AKAP13: variants seen among roughly 807,000 people sequenced by gnomAD.
The protein encoded by AKAP13 is A-kinase anchoring protein 13.
A neutral mutation model predicts 264.5 loss-of-function variants in AKAP13; 80 were observed. The ratio of observed to expected loss-of-function variants is 0.30; its 90% CI spans 0.25 to 0.36. AKAP13 has a LOEUF of 0.36. AKAP13 is among the 10% of genes least tolerant of loss of function. The pLI is 1.00. For synonymous variants in AKAP13, 1,380 were observed against 1,250.2 expected (o/e 1.10, Z -2.19); for missense variants, 3,712 against 3,435.2 (o/e 1.08, Z -2.01).
chr15:85,687,627 AAGTGTTTAG>A (rs894519028), intron 16 of AKAP13, among the ~76,000 whole-genome samples: 15 of 152,160 alleles, frequency 9.9e-5, no homozygotes, highest in African/African-American at 3.4e-4. Flanking sequence ...TCCCATTACC[AAGTGTTTAG>A]AGTGCCCTAG....
intron 16 of AKAP13, among the ~76,000 whole-genome samples, chr15:85,689,155 A>C (rs2085117109): frequency 6.6e-6 from 1 of 152,222 alleles, no homozygotes; most frequent in South Asian, 2.1e-4. Context: ...TTGAGTGCAC[A>C]GGTTAAATTC....
Position 85,748,623 on chromosome 15 carries a change from G to C in AKAP13, c.*3946G>C, listed in dbSNP as rs138539432. 5 of 152,324 alleles carry C rather than the reference G, an allele frequency of 3.3e-5. No individual in the cohort carries two copies. The highest frequency in any genetic ancestry group is 1.2e-4 in the African/African-American group (5 of 41,562). 9.4% of individuals were successfully genotyped at this position (152,324 alleles called of 1,614,324 possible). ...TGCTGGCCAGGCTTTAAAATGAAAAGTGTTTTAATGCTGCCATAAAAGGGA... is the reference window on the plus strand; with the variant it reads ...TGCTGGCCAGGCTTTAAAATGAAAACTGTTTTAATGCTGCCATAAAAGGGA... On this transcript the variant is annotated 3_prime_UTR_variant, in exon 37 of 37. Coordinates refer to ENST00000394518, the MANE Select transcript of AKAP13 (RefSeq NM_007200.5).
chr15:85,568,046 A>G (rs565240465), intron 5 of AKAP13, among the ~76,000 whole-genome samples: 12 of 151,806 alleles, frequency 7.9e-5, no homozygotes, highest in Admixed American at 7.9e-4. Flanking sequence ...ACTTTGGGAG[A>G]CTGAGGCAGG....
chr15:85,553,001 G>T (rs575099677), intron 5 of AKAP13, among the ~76,000 whole-genome samples: 17 of 148,740 alleles, frequency 1.1e-4, no homozygotes, highest in African/African-American at 4.2e-4. Context: ...TTAAAAAATT[G>T]TTTTATTTAA....
At chr15:85,485,084 A>C (rs769467279) in intron 1 of AKAP13, among the ~76,000 whole-genome samples, 2 of 152,212 alleles carry the variant, frequency 1.3e-5, no homozygotes, top group Non-Finnish European at 2.9e-5. Context: ...AGAACATGCT[A>C]TTCTTAATGT....
chr15:85,642,625 C>T (rs1032629698), intron 9 of AKAP13, among the ~76,000 whole-genome samples: 2 of 152,060 alleles, frequency 1.3e-5, no homozygotes, highest in African/African-American at 4.8e-5. Context: ...TGTACTTTTC[C>T]CTCTTTCCCT....
At chr15:85,702,445 G>C (rs2085985361) in intron 17 of AKAP13, 1 of 152,184 alleles carries the variant, frequency 6.6e-6, no homozygotes. Flanking sequence ...TGGGGACGCA[G>C]AATCTTTCGT....
intron 1 of AKAP13, among the ~76,000 whole-genome samples, chr15:85,397,716 A>G (rs1215487440): frequency 6.6e-6 from 1 of 152,220 alleles, no homozygotes; most frequent in Non-Finnish European, 1.5e-5. Context: ...CTAATTTTAT[A>G]TATACTTCAT....
intron 14 of AKAP13, among the ~76,000 whole-genome samples, chr15:85,677,813 A>AT (rs1053384471): frequency 6.6e-5 from 10 of 151,558 alleles, no homozygotes; most frequent in Admixed American, 2.0e-4. Flanking sequence ...CGCCCAGCTA[A>AT]TTTTTTTTGT....
intron 3 of AKAP13, among the ~76,000 whole-genome samples, chr15:85,527,549 T>G (rs2077111324): frequency 6.6e-6 from 1 of 152,220 alleles, no homozygotes; most frequent in Admixed American, 6.5e-5. Flanking sequence ...AAACACTGCC[T>G]TAGAGGTGTG....
At position 85,715,844 on chromosome 15, in the gene AKAP13, A is replaced by C. The variant is rs750049575; in HGVS notation, c.5656A>C (p.Thr1886Pro). 1.2e-6 allele frequency: 2 copies of C among 1,613,482 alleles called. No homozygotes were observed. The highest frequency in any genetic ancestry group is 1.7e-6 in the Non-Finnish European group (2 of 1,179,914). ...AGTCCTCCTGGTGGATGAAACCGCTACCACCCCAATATTTGCCAATAGACG... is the reference window on the plus strand; with the variant it reads ...AGTCCTCCTGGTGGATGAAACCGCTCCCACCCCAATATTTGCCAATAGACG... ...SAVLLVDETA[T>P]TPIFANRRSQ... Residue 1886 changes from threonine (T) to proline (P), a missense_variant, in exon 20 of 37, where the codon ACC becomes CCC. By Grantham distance (38) the Thr-to-Pro change is conservative. This residue lies in a region of AKAP13 where 2,759 missense variants were observed against 2,411.7 expected (regional missense o/e 1.14). Coordinates refer to ENST00000394518, the MANE Select transcript of AKAP13 (RefSeq NM_007200.5).
intron 1 of AKAP13, 55 bp from the exon 2 acceptor site, chr15:85,485,655 A>G (rs1264542575): frequency 1.6e-5 from 25 of 1,536,036 alleles, no homozygotes; most frequent in Middle Eastern, 3.4e-4. Context: ...GGTGGCTTAT[A>G]TATTTTCGGT....
chr15:85,506,619 A>G (rs1481645284), intron 2 of AKAP13, among the ~76,000 whole-genome samples: 2 of 152,218 alleles, frequency 1.3e-5, no homozygotes, highest in African/African-American at 4.8e-5. Flanking sequence ...GGCAAGATAG[A>G]TAAGGAGAGT....
In AKAP13 at chr15:85,399,519, A is replaced by ATAAAAAAAAATAAAT. The variant is rs1450087789; in HGVS notation, c.-12+18721_-12+18722insTAAAAAAAAATAAAT. The stretch of plus-strand genomic sequence containing the variant: ...CTCCGTCTCAAAAAAAAAAAAAAAA[A>ATAAAAAAAAATAAAT]AAATAAAAAAATAAAAAAATAAATA... On this transcript the variant is annotated intron_variant, in intron 1 of 36. Coordinates refer to ENST00000394518, the MANE Select transcript of AKAP13 (RefSeq NM_007200.5). 2.2e-4 allele frequency among the ~76,000 whole-genome samples: 27 copies of ATAAAAAAAAATAAAT among 124,592 alleles called. 1 individual carries two copies. Among genetic ancestry groups the ATAAAAAAAAATAAAT allele is most frequent in the African/African-American group, 3.0e-4 (9 of 30,198 alleles). The allele number at this position is 124,592 out of a possible 152,430, so 81.7% of individuals were successfully genotyped here.
At chr15:85,711,729 C>G (rs1297823142) in intron 19 of AKAP13, among the ~76,000 whole-genome samples, 2 of 152,174 alleles carry the variant, frequency 1.3e-5, no homozygotes, top group Non-Finnish European at 2.9e-5. Context: ...AGGCAGTGTT[C>G]TTGAAAATGT....
intron 8 of AKAP13, chr15:85,619,894 G>A: frequency 2.1e-6 from 3 of 1,426,410 alleles, no homozygotes; most frequent in Non-Finnish European, 2.7e-6. Flanking sequence ...GTCAGTTCAA[G>A]GCATTGGATT....
chr15:85,723,095 C>G lies in AKAP13; in HGVS notation c.6520C>G (p.Leu2174Val), dbSNP rs772823353. Residue 2174 changes from leucine (L) to valine (V), a missense_variant, in exon 26 of 37, where the codon CTA (leucine) becomes GTA (valine). By Grantham distance (32) the Leu-to-Val change is conservative. Transcript: ENST00000394518. The part of the protein sequence containing the change: ...TKDNEVEQED[L>V]AQSLSLVKDV... ...AGACAATGAAGTGGAGCAGGAAGAT[C>G]TAGCACAGTCCTTGAGCCTGGTGAA... 2.3e-5 allele frequency: 37 copies of G among 1,613,934 alleles called. No homozygotes were observed. The highest frequency in any genetic ancestry group is 1.8e-4 in the Admixed American group (11 of 59,992).
chr15:85,516,712 AAAAG>A (rs1181561995), intron 2 of AKAP13, among the ~76,000 whole-genome samples: 3 of 152,176 alleles, frequency 2.0e-5, no homozygotes, highest in Non-Finnish European at 1.5e-5. Flanking sequence ...TAAAAAGAAA[AAAAG>A]AAAGCCCTCA....
intron 2 of AKAP13, among the ~76,000 whole-genome samples, chr15:85,504,694 CA>C (rs60149423): frequency 0.24 from 25,119 of 104,224 alleles, 2,402 homozygotes; most frequent in East Asian, 0.47. Flanking sequence ...ACCCTGTCTC[CA>C]AAAAAAAAAA....
Sources: gnomAD v4.1 joint callset for allele counts (sites outside exome capture counted in the v4.1 genomes callset) on GRCh38, gnomAD v4.1.1 for gene constraint, gnomAD v4.1.1 regional missense constraint, MANE v1.5 for transcripts, NCBI Gene and HGNC (gene_info 2026-07-23, HGNC 2026-07-21) for gene names.